Variants in C4orf50 observed in about 807,000 individuals in gnomAD.
C4orf50 encodes chromosome 4 open reading frame 50.
Under a neutral mutation model 77.2 loss-of-function variants are expected in C4orf50, and 80 were observed. That is an observed-to-expected ratio of 1.04 (90% confidence interval 0.87 to 1.25). The LOEUF is 1.25. Among genes scored for constraint, C4orf50 ranks in the 50% most tolerant of loss-of-function variants. The pLI is 0.00. For missense variants in C4orf50, 1,257 were observed against 1,152.9 expected (o/e 1.09, Z -1.31); for synonymous variants, 532 against 465.3 (o/e 1.14, Z -1.84).
chr4:5,902,330 T>C (rs1242146775), intron 7 of C4orf50: 2 of 152,206 alleles, frequency 1.3e-5, no homozygotes, highest in Non-Finnish European at 2.9e-5. Flanking sequence ...TTTTCCCCAC[T>C]AAACAATGGA....
chr4:5,949,791 A>G (rs1232982972), intron 7 of C4orf50, among the ~76,000 whole-genome samples: 1 of 152,192 alleles, frequency 6.6e-6, no homozygotes, highest in African/African-American at 2.4e-5. Context: ...GTTTGAGACT[A>G]GCCTGGTCAA....
In C4orf50 at chr4:6,017,914, C is replaced by A. The variant is rs758720591; in HGVS notation, c.287+231G>T. Among the ~76,000 whole-genome samples, 5 of 152,144 alleles carry A rather than the reference C, an allele frequency of 3.3e-5. No individual in the cohort carries two copies. The highest frequency in any genetic ancestry group is 2.6e-4 in the Admixed American group (4 of 15,286). On this transcript the variant is annotated intron_variant, in intron 23 of 33. Coordinates refer to ENST00000531445, the Ensembl canonical transcript of C4orf50. This position sits in a 1 kb window ranked among gnomAD's most constrained non-coding sequence, Gnocchi z 4.7. Reference sequence around the variant, plus strand: ...GTTTCAGGGCCTCCCATTGGCTGCACCTAAATGGAAGCCTTTGAGCAGAGG... The same window carrying A: ...GTTTCAGGGCCTCCCATTGGCTGCAACTAAATGGAAGCCTTTGAGCAGAGG...
At chr4:5,974,363 G>A (rs190974256) in intron 30 of C4orf50, among the ~76,000 whole-genome samples, 2 of 152,160 alleles carry the variant, frequency 1.3e-5, no homozygotes, top group Non-Finnish European at 2.9e-5. Flanking sequence ...TCACACTGCC[G>A]GAGCCTCACC....
intron 7 of C4orf50, among the ~76,000 whole-genome samples, chr4:5,911,915 G>A (rs1716822883): frequency 6.6e-6 from 1 of 152,180 alleles, no homozygotes; most frequent in South Asian, 2.1e-4. Flanking sequence ...GGATGGTGGT[G>A]CATGCCTGTA....
At chr4:5,911,875 G>A (rs896566221) in intron 7 of C4orf50, among the ~76,000 whole-genome samples, 5 of 152,068 alleles carry the variant, frequency 3.3e-5, no homozygotes, top group Admixed American at 1.3e-4. Context: ...GTGAAACCCC[G>A]TCTCTACTAA....
intron 7 of C4orf50, among the ~76,000 whole-genome samples, chr4:5,920,643 A>AT (rs1312978244): frequency 9.4e-5 from 14 of 148,362 alleles, no homozygotes; most frequent in Non-Finnish European, 1.6e-4. Flanking sequence ...TGCCCTGCTA[A>AT]TTTTTGTATT....
intron 25 of C4orf50, among the ~76,000 whole-genome samples, chr4:5,995,256 C>A (rs1415296167): frequency 6.6e-6 from 1 of 152,092 alleles, no homozygotes. Flanking sequence ...CTTTCCATGT[C>A]CCACCCAGGG....
At chr4:5,943,775 A>G (rs1428526203) in intron 7 of C4orf50, among the ~76,000 whole-genome samples, 1 of 152,234 alleles carries the variant, frequency 6.6e-6, no homozygotes, top group East Asian at 1.9e-4. Flanking sequence ...CTCCCTTATC[A>G]GCTCCAGAAA....
At chr4:5,952,612 C>T (rs889430684), downstream of C4orf50, among the ~76,000 whole-genome samples, 2 of 152,148 alleles carry the variant, frequency 1.3e-5, no homozygotes, top group Non-Finnish European at 2.9e-5. The surrounding 1 kb of genome is among the most constrained non-coding windows in gnomAD (Gnocchi z 4.4). Context: ...CACCACTTCC[C>T]GTCCTTAAGG....
intron 7 of C4orf50, among the ~76,000 whole-genome samples, chr4:5,929,601 A>G (rs1577899384): frequency 6.6e-6 from 1 of 152,264 alleles, no homozygotes; most frequent in African/African-American, 2.4e-5. Context: ...TTTACTTCTT[A>G]TAAGCAGAAA....
At chr4:5,918,511 G>A (rs1717127408) in intron 7 of C4orf50, among the ~76,000 whole-genome samples, 2 of 152,206 alleles carry the variant, frequency 1.3e-5, no homozygotes, top group South Asian at 2.1e-4. Flanking sequence ...TCATGAACTG[G>A]GCTCCTGGTC....
chr4:6,006,783 G>T (rs771527372), intron 25 of C4orf50, among the ~76,000 whole-genome samples: 10 of 152,218 alleles, frequency 6.6e-5, no homozygotes, highest in African/African-American at 2.4e-4. Flanking sequence ...ACTCCACAGT[G>T]CTGGGGCCCT....
chr4:5,938,069 T>C (rs1207040436), intron 7 of C4orf50, among the ~76,000 whole-genome samples: 3 of 152,300 alleles, frequency 2.0e-5, no homozygotes, highest in East Asian at 3.9e-4. Flanking sequence ...TGAACAAGTT[T>C]CATGTAATGG....
intron 25 of C4orf50, among the ~76,000 whole-genome samples, chr4:5,996,173 G>A (rs945442365): frequency 1.3e-5 from 2 of 152,146 alleles, no homozygotes; most frequent in Non-Finnish European, 2.9e-5. Flanking sequence ...CTGTCCCAGC[G>A]CGTCCGTGCT....
intron 7 of C4orf50, chr4:5,898,802 C>T (rs1395815501): frequency 6.6e-6 from 1 of 152,148 alleles, no homozygotes; most frequent in Admixed American, 6.5e-5. Flanking sequence ...ATCATCAGCC[C>T]ATGCTTGGAC....
In C4orf50 at chr4:6,017,378, G is replaced by A. The variant is rs1334610522; in HGVS notation, c.287+767C>T. Among the ~76,000 whole-genome samples the A allele has an allele frequency of 6.6e-6, 1 of 152,236 alleles. No homozygotes were observed. The highest frequency in any genetic ancestry group is 1.5e-5 in the Non-Finnish European group (1 of 68,046). ...AAGCCGAGAGCACATCTGAGTTACAGCCACAGTGGGAGATGTCACTGTGGG... is the reference window on the plus strand; with the variant it reads ...AAGCCGAGAGCACATCTGAGTTACAACCACAGTGGGAGATGTCACTGTGGG... On this transcript the variant is annotated intron_variant, in intron 23 of 33. Coordinates refer to ENST00000531445, the Ensembl canonical transcript of C4orf50. This position sits in a 1 kb window ranked among gnomAD's most constrained non-coding sequence, Gnocchi z 4.7.
intron 31 of C4orf50, 38 bp from the exon 10 acceptor site, chr4:5,967,500 C>T (rs762915376): frequency 1.9e-6 from 3 of 1,592,570 alleles, no homozygotes; most frequent in African/African-American, 2.7e-5. Flanking sequence ...TTCTGCATGG[C>T]ACTGGAGAGA....
intron 7 of C4orf50, among the ~76,000 whole-genome samples, chr4:5,936,964 A>G (rs1042045534): frequency 3.3e-5 from 5 of 152,174 alleles, no homozygotes; most frequent in Non-Finnish European, 7.3e-5. Context: ...GCATTGTCAT[A>G]CCACCAAGAA....
intron 7 of C4orf50, among the ~76,000 whole-genome samples, chr4:5,931,744 G>A (rs1031439355): frequency 6.6e-6 from 1 of 152,126 alleles, no homozygotes; most frequent in Non-Finnish European, 1.5e-5. Flanking sequence ...AGGCTTCTGA[G>A]GAGCCTAAGG....
Sources: allele counts gnomAD v4.1 joint callset (sites outside exome capture counted in the v4.1 genomes callset), GRCh38; gene constraint gnomAD v4.1.1; non-coding constraint Gnocchi (gnomAD v3.1); transcripts MANE v1.5; gene names NCBI Gene and HGNC (gene_info 2026-07-23, HGNC 2026-07-21).